Variants in MGST3 observed in about 807,000 individuals in gnomAD.
The protein encoded by MGST3 is glutathione S-transferase 3, mitochondrial.
In MGST3, 13 loss-of-function variants were observed where a neutral mutation model predicts 15.8. That is an observed-to-expected ratio of 0.82 (90% CI 0.54 to 1.31). The LOEUF is 1.31. Among genes scored for constraint, MGST3 ranks in the 50% most tolerant of loss-of-function variants. The pLI, the probability that MGST3 is intolerant of heterozygous loss-of-function variation, is 0.00. For synonymous variants in MGST3, 49 were observed against 68.1 expected (o/e 0.72, Z 1.38); for missense variants, 155 against 192.4 (o/e 0.81, Z 1.15).
intron 1 of MGST3, among the ~76,000 whole-genome samples, chr1:165,634,027 T>G (rs200015184): frequency 0.01 from 1,461 of 140,064 alleles, 51 homozygotes; most frequent in Admixed American, 0.062. Context: ...TCCCAAAGTT[T>G]TTTTTTTTTT....
Position 165,651,020 on chromosome 1 carries a change from A to G in MGST3, c.124A>G (p.Ile42Val). 2 of 1,614,140 alleles carry G rather than the reference A, an allele frequency of 1.2e-6. No homozygotes were observed. Among genetic ancestry groups the G allele is most frequent in the Non-Finnish European group, 1.7e-6 (2 of 1,179,956 alleles). ...ATGTGCTTTGTTGTGACAGTATCCT[A>G]TCATGTACAGCACGGACCCTGAAAA... ...ARKKYKVEYP[I>V]MYSTDPENGH... The change falls in exon 3 of 6, where the codon ATC becomes GTC. Residue 42 changes from isoleucine to valine, a missense_variant. Transcript: ENST00000367889.
At chr1:165,652,102 G>A in intron 4 of MGST3, 67 bp downstream of exon 4, 1 of 1,124,324 alleles carries the variant, frequency 8.9e-7, no homozygotes, top group Admixed American at 1.7e-5. Flanking sequence ...AGGGACAGAA[G>A]AAGGAAATAA....
chr1:165,637,951 G>A (rs528983767), intron 1 of MGST3, among the ~76,000 whole-genome samples: 4 of 152,156 alleles, frequency 2.6e-5, no homozygotes, highest in South Asian at 2.1e-4. Flanking sequence ...TACCACCCAC[G>A]GACGTCAGAG....
intron 1 of MGST3, among the ~76,000 whole-genome samples, chr1:165,631,650 C>T (rs868814092): frequency 5.3e-5 from 8 of 150,802 alleles, no homozygotes; most frequent in South Asian, 4.2e-4. Context: ...CCGGAGACCA[C>T]CCGACCTTGC....
At chr1:165,652,570 G>A (rs10918228) in intron 4 of MGST3, among the ~76,000 whole-genome samples, 40,766 of 152,008 alleles carry the variant, frequency 0.27, 6,695 homozygotes, top group Middle Eastern at 0.45. Flanking sequence ...ATGTGGAGTG[G>A]GATAATTTTG....
intron 1 of MGST3, among the ~76,000 whole-genome samples, chr1:165,642,599 G>A (rs903811429): frequency 2.0e-5 from 3 of 152,134 alleles, no homozygotes; most frequent in African/African-American, 4.8e-5. Context: ...CATATGTAAC[G>A]TAACATAATA....
chr1:165,638,994 A>G (rs1485645430), intron 1 of MGST3, among the ~76,000 whole-genome samples: 1 of 143,234 alleles, frequency 7.0e-6, no homozygotes, highest in Non-Finnish European at 1.5e-5. Flanking sequence ...CAGGACAATC[A>G]GTCAAGAAAA....
At chr1:165,646,909 C>T (rs573182646) in intron 1 of MGST3, 1 of 152,388 alleles carries the variant, frequency 6.6e-6, no homozygotes, top group South Asian at 2.1e-4. Context: ...GGCAGCTTTT[C>T]AGGCATTGCT....
intron 1 of MGST3, among the ~76,000 whole-genome samples, chr1:165,643,727 G>T (rs937264899): frequency 6.6e-6 from 1 of 152,054 alleles, no homozygotes; most frequent in African/African-American, 2.4e-5. Flanking sequence ...AATTAGCCGG[G>T]TGTTGTGGCG....
chr1:165,640,771 A>G (rs1428236877), intron 1 of MGST3, among the ~76,000 whole-genome samples: 1 of 152,220 alleles, frequency 6.6e-6, no homozygotes, highest in Admixed American at 6.5e-5. Flanking sequence ...TCTGTCCTCA[A>G]AGAGCACATA....
At chr1:165,649,261 TC>T (rs1475397944) in intron 1 of MGST3, 3 of 157,090 alleles carry the variant, frequency 1.9e-5, no homozygotes, top group African/African-American at 7.2e-5. Flanking sequence ...CCTCACAGTG[TC>T]CCCCATGTCT....
intron 1 of MGST3, among the ~76,000 whole-genome samples, chr1:165,634,789 C>CTCCCTCCCTCTCCCTCCT (rs1648063538): frequency 7.8e-6 from 1 of 128,824 alleles, no homozygotes; most frequent in East Asian, 2.5e-4. Context: ...CTCTCCCTCC[C>CTCCCTCCCTCTCCCTCCT]TCCCTCCCCC....
At chr1:165,642,231 G>A (rs1648281789) in intron 1 of MGST3, among the ~76,000 whole-genome samples, 1 of 152,208 alleles carries the variant, frequency 6.6e-6, no homozygotes, top group South Asian at 2.1e-4. Context: ...TCCAGCACTA[G>A]CCCAGTGAGT....
In MGST3 at chr1:165,631,292, A is replaced by C. The variant is rs1426477510; in HGVS notation, c.-9A>C. The C allele has an allele frequency of 6.5e-6, 1 of 152,852 alleles. No homozygotes were observed. The highest frequency in any genetic ancestry group is 1.5e-5 in the Non-Finnish European group (1 of 68,214). The allele number at this position is 152,852 out of a possible 1,614,324, so 9.5% of individuals were successfully genotyped here. A position where few individuals can be genotyped will look rare whatever the true frequency, so the allele number is the denominator to read the frequency against. ...TGCTCCAGCTGTTCGAAGGTGATCC[A>C]GGTGAGTGCTAGCACCTGCGGGCAG... On this transcript the variant is annotated splice_region_variant and 5_prime_UTR_variant, in exon 1 of 6. Coordinates refer to ENST00000367889, the MANE Select transcript of MGST3 (RefSeq NM_004528.4).
chr1:165,632,318 A>T, intron 1 of MGST3: 1 of 1,605,778 alleles, frequency 6.2e-7, no homozygotes, highest in Non-Finnish European at 8.5e-7. Context: ...GAATTGCTGC[A>T]GATTTTAGAT....
chr1:165,643,358 A>G (rs1648309130), intron 1 of MGST3, among the ~76,000 whole-genome samples: 1 of 152,086 alleles, frequency 6.6e-6, no homozygotes. Context: ...ATTTGTTTGC[A>G]TTTCTGATTG....
chr1:165,631,398 G>C (rs1647938607), intron 1 of MGST3, 105 bp downstream of exon 1: 1 of 152,718 alleles, frequency 6.5e-6, no homozygotes, highest in Non-Finnish European at 1.5e-5. Context: ...GCTGAATAGA[G>C]ACCCGCTGTC....
At chr1:165,638,451 T>C (rs1033412760) in intron 1 of MGST3, among the ~76,000 whole-genome samples, 2 of 152,022 alleles carry the variant, frequency 1.3e-5, no homozygotes, top group Non-Finnish European at 2.9e-5. Context: ...CCAGCCCGGA[T>C]GACAGAGGGG....
At chr1:165,648,918 C>T (rs1648480124) in intron 1 of MGST3, 1 of 152,204 alleles carries the variant, frequency 6.6e-6, no homozygotes, top group South Asian at 2.1e-4. Flanking sequence ...GATTTACCAT[C>T]TTGTTGGTTG....
Sources: allele counts gnomAD v4.1 joint callset (sites outside exome capture counted in the v4.1 genomes callset), GRCh38; gene constraint gnomAD v4.1.1; transcripts MANE v1.5; gene names NCBI Gene and HGNC (gene_info 2026-07-23, HGNC 2026-07-21).